SNX24: variants seen among roughly 807,000 people sequenced by gnomAD.
SNX24 encodes the protein sorting nexin-24.
In SNX24, 22 loss-of-function variants were observed where a neutral mutation model predicts 28.7. That is an observed-to-expected ratio of 0.77 (90% CI 0.55 to 1.10). SNX24 has a LOEUF of 1.10. Ranked by LOEUF, SNX24 falls within the 50% of genes least tolerant of loss-of-function variation. The pLI, the probability that SNX24 is intolerant of heterozygous loss-of-function variation, is 0.00. For synonymous variants in SNX24, 69 were observed against 71.5 expected (o/e 0.96, Z 0.18); for missense variants, 221 against 201.1 (o/e 1.10, Z -0.60).
intron 3 of SNX24, among the ~76,000 whole-genome samples, chr5:122,974,869 G>A (rs899677616): frequency 3.3e-5 from 5 of 152,204 alleles, no homozygotes; most frequent in South Asian, 2.1e-4. Flanking sequence ...CACCCTACCA[G>A]TCAGGGAGCC....
intron 1 of SNX24, among the ~76,000 whole-genome samples, chr5:122,852,468 C>T (rs1009005785): frequency 6.6e-6 from 1 of 151,980 alleles, no homozygotes; most frequent in African/African-American, 2.4e-5. Context: ...CTCAGCCTCC[C>T]AAGTAGCTGG....
At chr5:122,865,112 G>T (rs1293365040) in intron 1 of SNX24, among the ~76,000 whole-genome samples, 1 of 152,234 alleles carries the variant, frequency 6.6e-6, no homozygotes, top group Non-Finnish European at 1.5e-5. Context: ...ACTGTGGGTA[G>T]AGCAGGTTCT....
At chr5:123,017,499 A>G (rs7731806) in intron 5 of SNX24, among the ~76,000 whole-genome samples, 62,120 of 151,182 alleles carry the variant, frequency 0.41, 13,988 homozygotes, top group African/African-American at 0.58. Context: ...CCAGTGTTTG[A>G]CAATCTTCAG....
At chr5:123,001,118 A>G (rs1762229099) in intron 4 of SNX24, among the ~76,000 whole-genome samples, 1 of 152,238 alleles carries the variant, frequency 6.6e-6, no homozygotes, top group Admixed American at 6.5e-5. Context: ...AATAGACATT[A>G]GCAATGGCAG....
intron 3 of SNX24, among the ~76,000 whole-genome samples, chr5:122,996,296 G>A (rs962982864): frequency 2.6e-5 from 4 of 152,212 alleles, no homozygotes; most frequent in Non-Finnish European, 5.9e-5. Flanking sequence ...ACCGGCCACA[G>A]TGCATCAGGC....
chr5:122,950,316 A>G (rs543062989), intron 3 of SNX24, among the ~76,000 whole-genome samples: 17 of 152,224 alleles, frequency 1.1e-4, no homozygotes, highest in Non-Finnish European at 2.1e-4. Flanking sequence ...TAAAGGTTGT[A>G]TGTGTGTGTG....
At chr5:123,012,121 C>T (rs1039371766), downstream of SNX24, among the ~76,000 whole-genome samples, 1 of 152,138 alleles carries the variant, frequency 6.6e-6, no homozygotes, top group African/African-American at 2.4e-5. Context: ...GTGTTTGCTT[C>T]CCCTTCTGCC....
intron 3 of SNX24, among the ~76,000 whole-genome samples, chr5:122,991,616 C>T (rs1761852277): frequency 6.6e-6 from 1 of 152,072 alleles, no homozygotes; most frequent in Admixed American, 6.6e-5. Flanking sequence ...CGTGCCACCT[C>T]ACCCAGCTAA....
intron 1 of SNX24, among the ~76,000 whole-genome samples, chr5:122,930,796 C>G (rs1479147340): frequency 6.7e-6 from 1 of 149,624 alleles, no homozygotes. Context: ...TATCAATACA[C>G]ACACACATAC....
At chr5:122,864,611 G>A (rs940818954) in intron 1 of SNX24, among the ~76,000 whole-genome samples, 1 of 152,206 alleles carries the variant, frequency 6.6e-6, no homozygotes, top group African/African-American at 2.4e-5. Context: ...TGTCAGAGAC[G>A]AAGTCATAGG....
chr5:122,972,698 G>A (rs1761006041), intron 3 of SNX24, among the ~76,000 whole-genome samples: 1 of 152,198 alleles, frequency 6.6e-6, no homozygotes, highest in South Asian at 2.1e-4. Context: ...CTTGGCAGAA[G>A]CATTGCGTGC....
intron 1 of SNX24, among the ~76,000 whole-genome samples, chr5:122,894,871 T>C (rs1413877515): frequency 6.6e-6 from 1 of 152,214 alleles, no homozygotes; most frequent in African/African-American, 2.4e-5. Flanking sequence ...GTAACTGTTA[T>C]GCTGTAGTCT....
At chr5:123,024,085 A>T (rs1762814093) in intron 5 of SNX24, 1 of 1,499,164 alleles carries the variant, frequency 6.7e-7, no homozygotes. Context: ...GCCAACTCCA[A>T]AAGCCCAAGT....
At chr5:122,905,774 C>T (rs1177772895) in intron 1 of SNX24, among the ~76,000 whole-genome samples, 2 of 152,118 alleles carry the variant, frequency 1.3e-5, no homozygotes, top group African/African-American at 2.4e-5. Context: ...TTTATAATTA[C>T]AGGTTGCAGA....
intron 5 of SNX24, 95 bp from the exon 6 acceptor site, chr5:123,001,845 C>T: frequency 2.0e-6 from 2 of 1,011,698 alleles, no homozygotes; most frequent in Middle Eastern, 2.1e-4. Context: ...TGAGACGTCC[C>T]CGCACAGCAG....
At chr5:123,015,995 A>G (rs1216546603) in intron 5 of SNX24, among the ~76,000 whole-genome samples, 1 of 152,216 alleles carries the variant, frequency 6.6e-6, no homozygotes, top group Non-Finnish European at 1.5e-5. Context: ...AGAAATTGCC[A>G]TATTTTACAT....
chr5:123,007,125 T>G (rs763313372), intron 6 of SNX24, among the ~76,000 whole-genome samples: 5 of 152,188 alleles, frequency 3.3e-5, no homozygotes, highest in Non-Finnish European at 7.3e-5. Flanking sequence ...AATGGAGCTG[T>G]GTTTTCAAGT....
intron 2 of SNX24, among the ~76,000 whole-genome samples, chr5:122,945,657 A>G (rs1332725207): frequency 6.6e-6 from 1 of 152,174 alleles, no homozygotes; most frequent in Non-Finnish European, 1.5e-5. Context: ...TGATTTCTTT[A>G]TATGAAAAAC....
intron 5 of SNX24, among the ~76,000 whole-genome samples, chr5:123,016,894 T>C (rs1762687690): frequency 6.6e-6 from 1 of 152,044 alleles, no homozygotes; most frequent in South Asian, 2.1e-4. Flanking sequence ...CCTCTATAGT[T>C]CAGACACTTC....
Sources: gnomAD v4.1 joint callset for allele counts (sites outside exome capture counted in the v4.1 genomes callset) on GRCh38, gnomAD v4.1.1 for gene constraint, MANE v1.5 for transcripts, NCBI Gene and HGNC (gene_info 2026-07-23, HGNC 2026-07-21) for gene names.